The following ABCA13 variants were observed in gnomAD, a reference collection of about 807,000 sequenced individuals.
ABCA13 encodes ATP-binding cassette sub-family A member 13.
A neutral mutation model predicts 478.7 loss-of-function variants in ABCA13; 476 were observed. The observed-to-expected ratio is 0.99, with a 90% CI of 0.92 to 1.07. ABCA13 has a LOEUF of 1.07. ABCA13 is among the 50% of genes least tolerant of loss of function. The pLI is 0.00. For missense variants in ABCA13, 6,060 were observed against 5,910.6 expected (o/e 1.03, Z -0.83); for synonymous variants, 2,252 against 2,158.9 (o/e 1.04, Z -1.20).
chr7:48,486,335 A>G (rs1199907699), intron 47 of ABCA13, among the ~76,000 whole-genome samples: 1 of 152,190 alleles, frequency 6.6e-6, no homozygotes, highest in Admixed American at 6.5e-5. Flanking sequence ...ACATTCTCTC[A>G]AGAGAGCTCC....
chr7:48,575,347 G>C (rs1445802592), intron 55 of ABCA13, among the ~76,000 whole-genome samples: 1 of 152,036 alleles, frequency 6.6e-6, no homozygotes, highest in Non-Finnish European at 1.5e-5. Context: ...AGACTTAAAG[G>C]TTAAAATTTT....
chr7:48,619,517 T>C (rs958123077), intron 59 of ABCA13, among the ~76,000 whole-genome samples: 2 of 152,210 alleles, frequency 1.3e-5, no homozygotes, highest in South Asian at 2.1e-4. Flanking sequence ...CAAATGTTTA[T>C]TGAAACCCAG....
At chr7:48,643,503 C>A in intron 60 of ABCA13, 110 bp downstream of exon 60, 1 of 945,164 alleles carries the variant, frequency 1.1e-6, no homozygotes, top group South Asian at 1.6e-5. Flanking sequence ...CTACTTGTTA[C>A]CTTAGCCACA....
In ABCA13 at chr7:48,198,339, G is replaced by C. The variant is rs753441683; in HGVS notation, c.266G>C (p.Gly89Ala). ...GSRCRNFSYE[G>A]SMEHHFRLSR... ...AGGTGTAGGAACTTCAGCTATGAAGGGTCAATGGAGCATCATTTTCGGTAA... is the reference window on the plus strand; with the variant it reads ...AGGTGTAGGAACTTCAGCTATGAAGCGTCAATGGAGCATCATTTTCGGTAA... Residue 89 changes from glycine (G) to alanine (A), a missense_variant, in exon 3 of 62, where the codon GGG (glycine) becomes GCG (alanine). Physicochemically the swap from Gly to Ala is moderately conservative, Grantham distance 60. Around this residue, in one of 3 missense-constraint regions of ABCA13, gnomAD observed 4,423 missense variants for 4,309.1 expected, o/e 1.03. Coordinates refer to ENST00000435803, the MANE Select transcript of ABCA13 (RefSeq NM_152701.5). 1 of 1,613,522 alleles carries C rather than the reference G, an allele frequency of 6.2e-7. No homozygotes were observed. Among genetic ancestry groups the C allele is most frequent in the Non-Finnish European group, 8.5e-7 (1 of 1,179,766 alleles).
intron 57 of ABCA13, among the ~76,000 whole-genome samples, chr7:48,589,076 A>G (rs987454659): frequency 4.5e-4 from 69 of 152,278 alleles, no homozygotes; most frequent in African/African-American, 1.6e-3. Context: ...TATGAACCTA[A>G]GCTCTTAAGA....
At chr7:48,367,992 G>A (rs1026870946) in intron 32 of ABCA13, 84 bp downstream of exon 32, 69 of 1,039,918 alleles carry the variant, frequency 6.6e-5, no homozygotes, top group Non-Finnish European at 9.2e-5. Context: ...TAACCAACCT[G>A]AGCCTCTCTG....
At chr7:48,547,500 C>T (rs1784923798) in intron 55 of ABCA13, among the ~76,000 whole-genome samples, 1 of 151,938 alleles carries the variant, frequency 6.6e-6, no homozygotes, top group Non-Finnish European at 1.5e-5. Flanking sequence ...CCATGTAGAT[C>T]TGTATTAGAT....
At chr7:48,259,534 TCTTA>T (rs1475448772) in intron 15 of ABCA13, among the ~76,000 whole-genome samples, 1 of 152,092 alleles carries the variant, frequency 6.6e-6, no homozygotes, top group Non-Finnish European at 1.5e-5. Flanking sequence ...ACATATGGCG[TCTTA>T]CTTCTTTATC....
chr7:48,476,340 C>G (rs547395096), intron 45 of ABCA13, among the ~76,000 whole-genome samples: 84 of 152,194 alleles, frequency 5.5e-4, no homozygotes, highest in Non-Finnish European at 1.6e-4. Context: ...GCAAAAGGGC[C>G]TGGCTGCTCG....
intron 42 of ABCA13, among the ~76,000 whole-genome samples, chr7:48,443,890 C>T (rs1301324743): frequency 6.6e-6 from 1 of 152,022 alleles, no homozygotes; most frequent in African/African-American, 2.4e-5. Context: ...CAGGAGGAAA[C>T]ACCCTCTTTC....
intron 42 of ABCA13, among the ~76,000 whole-genome samples, chr7:48,439,198 T>C (rs1356487566): frequency 6.6e-6 from 1 of 152,130 alleles, no homozygotes; most frequent in Non-Finnish European, 1.5e-5. Flanking sequence ...TGAATAAATG[T>C]ATTATTAAGA....
intron 39 of ABCA13, among the ~76,000 whole-genome samples, chr7:48,409,219 G>A (rs537549955): frequency 6.6e-6 from 1 of 152,312 alleles, no homozygotes; most frequent in African/African-American, 2.4e-5. Flanking sequence ...ATGGGGCTCA[G>A]TGAAAGCCAA....
At chr7:48,643,641 A>G (rs1472113839) in intron 60 of ABCA13, among the ~76,000 whole-genome samples, 1 of 152,192 alleles carries the variant, frequency 6.6e-6, no homozygotes, top group Non-Finnish European at 1.5e-5. Context: ...GTGATTACAT[A>G]TCACGCCTCT....
At chr7:48,519,550 A>G (rs1832383125) in intron 52 of ABCA13, among the ~76,000 whole-genome samples, 1 of 152,204 alleles carries the variant, frequency 6.6e-6, no homozygotes, top group South Asian at 2.1e-4. Context: ...TGTCTTTCCC[A>G]CTGGTGAGGC....
At chr7:48,271,757 T>TATACTAAA in intron 16 of ABCA13, 30 bp from the exon 17 acceptor site, 7 of 1,202,098 alleles carry the variant, frequency 5.8e-6, no homozygotes, top group Non-Finnish European at 7.5e-6. Context: ...TTTTTTATTT[T>TATACTAAA]ATACTAAAAT....
intron 42 of ABCA13, among the ~76,000 whole-genome samples, chr7:48,435,144 T>G (rs1822663349): frequency 6.6e-6 from 1 of 151,914 alleles, no homozygotes; most frequent in Non-Finnish European, 1.5e-5. Context: ...GAACATAGAC[T>G]ATCCTTCCAC....
At chr7:48,401,560 C>A (rs970383286) in intron 38 of ABCA13, among the ~76,000 whole-genome samples, 1 of 152,142 alleles carries the variant, frequency 6.6e-6, no homozygotes, top group Non-Finnish European at 1.5e-5. Context: ...GCAGAAGGAC[C>A]TGTGCTTCGT....
chr7:48,638,598 C>T (rs1794870106), intron 59 of ABCA13, among the ~76,000 whole-genome samples: 1 of 152,180 alleles, frequency 6.6e-6, no homozygotes, highest in Admixed American at 6.5e-5. Flanking sequence ...TTCTGATTTG[C>T]ATATGCAATG....
At chr7:48,382,676 C>T (rs933015358) in intron 35 of ABCA13, among the ~76,000 whole-genome samples, 1 of 151,934 alleles carries the variant, frequency 6.6e-6, no homozygotes, top group Admixed American at 6.6e-5. Flanking sequence ...ATTCTCATTC[C>T]TTTTTCTTGG....
Sources: allele counts gnomAD v4.1 joint callset (sites outside exome capture counted in the v4.1 genomes callset), GRCh38; gene constraint gnomAD v4.1.1; regional missense constraint gnomAD v4.1.1; transcripts MANE v1.5; gene names NCBI Gene and HGNC (gene_info 2026-07-23, HGNC 2026-07-21).